SLC22A23: variants seen among roughly 807,000 people sequenced by gnomAD.
The protein encoded by SLC22A23 is ion transporter protein.
SLC22A23 carries 26 observed loss-of-function variants against 61.0 expected under a neutral mutation model. That is an observed-to-expected ratio of 0.43 (90% CI 0.31 to 0.59). SLC22A23 has a LOEUF of 0.59. Among genes scored for constraint, SLC22A23 ranks in the 20% least tolerant of loss-of-function variants. The pLI is 0.11. For missense variants in SLC22A23, 796 were observed against 934.7 expected (o/e 0.85, Z 1.94); for synonymous variants, 430 against 413.9 (o/e 1.04, Z -0.47).
intron 3 of SLC22A23, among the ~76,000 whole-genome samples, chr6:3,378,669 T>C (rs1312814567): frequency 7.0e-6 from 1 of 143,032 alleles, no homozygotes; most frequent in Non-Finnish European, 1.5e-5. Context: ...TTTTTTTTTT[T>C]TTTTTGAGAT....
chr6:3,396,474 G>A (rs1407225767), intron 3 of SLC22A23, among the ~76,000 whole-genome samples: 6 of 152,236 alleles, frequency 3.9e-5, no homozygotes, highest in East Asian at 1.9e-4. Flanking sequence ...ACTTGAACCC[G>A]GGAGGCAGAG....
intron 3 of SLC22A23, among the ~76,000 whole-genome samples, chr6:3,336,088 CAA>C (rs774382213): frequency 4.3e-5 from 6 of 138,612 alleles, no homozygotes; most frequent in Non-Finnish European, 6.3e-5. Context: ...GACTCCATCT[CAA>C]AAAAAAAAAA....
intron 3 of SLC22A23, among the ~76,000 whole-genome samples, chr6:3,357,749 G>A (rs1765202075): frequency 6.6e-6 from 1 of 152,308 alleles, no homozygotes; most frequent in Middle Eastern, 3.4e-3. Context: ...AGGAGGATGA[G>A]GTAGCACCAT....
chr6:3,336,391 C>T (rs1763862406), intron 3 of SLC22A23, among the ~76,000 whole-genome samples: 1 of 152,240 alleles, frequency 6.6e-6, no homozygotes, highest in African/African-American at 2.4e-5. Context: ...ATCCTGCTGG[C>T]AGGTTACTGC....
At position 3,304,156 on chromosome 6, in the gene SLC22A23, T is replaced by A. The variant is rs1235821408; in HGVS notation, c.1083-5938A>T. 6.6e-6 allele frequency among the ~76,000 whole-genome samples: 1 copy of A among 152,162 alleles called. No homozygotes were observed. The stretch of plus-strand genomic sequence containing the variant: ...AGAAAAGTCTCTCCTTGTCCCAGAC[T>A]TCAAAGCCACAGGCACAGACCAGAG... On this transcript the variant is annotated intron_variant, in intron 4 of 9. Coordinates refer to ENST00000406686, the MANE Select transcript of SLC22A23 (RefSeq NM_015482.2). The surrounding 1 kb of genome is among the most constrained non-coding windows in gnomAD (Gnocchi z 4.3).
chr6:3,439,293 A>T lies in SLC22A23; in HGVS notation c.654+16613T>A, dbSNP rs1295482997. 3 of 449,082 alleles carry T rather than the reference A, an allele frequency of 6.7e-6. No individual in the cohort carries two copies. The Admixed American group carries it at 7.4e-5, about 11-fold the overall frequency. 27.8% of individuals were successfully genotyped at this position (449,082 alleles called of 1,614,324 possible). On this transcript the variant is annotated intron_variant, in intron 1 of 9. Transcript: ENST00000406686. ...CCGAATGTTCTCTGGGAGCAAAATC[A>T]TACCCCGTGGAAAGTGTCCAGAGAA... is the stretch of plus-strand genomic sequence containing the variant.
chr6:3,446,522 G>A (rs1016117184), intron 1 of SLC22A23, among the ~76,000 whole-genome samples: 3 of 152,162 alleles, frequency 2.0e-5, no homozygotes, highest in African/African-American at 7.2e-5. Flanking sequence ...TGAGTAGGAG[G>A]GCCAGAGAAA....
At chr6:3,323,611 A>T in intron 4 of SLC22A23, 1 of 611,110 alleles carries the variant, frequency 1.6e-6, no homozygotes, top group East Asian at 2.9e-5. Context: ...GAGCTGGGTG[A>T]TGGGCTCATT....
At chr6:3,311,692 T>C (rs1427547667) in intron 4 of SLC22A23, 1 of 152,228 alleles carries the variant, frequency 6.6e-6, no homozygotes, top group East Asian at 1.9e-4. Flanking sequence ...TGAAAATCTC[T>C]TGGGAGAAAA....
intron 4 of SLC22A23, among the ~76,000 whole-genome samples, chr6:3,320,705 A>T (rs774407191): frequency 5.3e-5 from 8 of 152,212 alleles, no homozygotes; most frequent in Non-Finnish European, 1.0e-4. Flanking sequence ...TTTTAAAGCC[A>T]ATAATTCTAG....
chr6:3,273,577 G>C (rs1758629996), intron 9 of SLC22A23, among the ~76,000 whole-genome samples, 165 bp from the exon 10 acceptor site: 1 of 152,246 alleles, frequency 6.6e-6, no homozygotes, highest in Non-Finnish European at 1.5e-5. Context: ...CACCCTGGCT[G>C]TGTCTGTACA....
intron 9 of SLC22A23, among the ~76,000 whole-genome samples, 181 bp from the exon 10 acceptor site, chr6:3,273,593 A>G (rs757282657): frequency 5.9e-5 from 9 of 152,092 alleles, no homozygotes; most frequent in Non-Finnish European, 1.3e-4. Flanking sequence ...GTACAAGGCC[A>G]CTCTACGGCA....
intron 3 of SLC22A23, among the ~76,000 whole-genome samples, chr6:3,346,321 C>T (rs946929223): frequency 3.3e-5 from 5 of 152,154 alleles, no homozygotes; most frequent in South Asian, 4.1e-4. Context: ...TGCCCCTCTC[C>T]GCACAAAAGC....
chr6:3,376,220 T>C (rs1249896209), intron 3 of SLC22A23, among the ~76,000 whole-genome samples: 1 of 152,222 alleles, frequency 6.6e-6, no homozygotes, highest in African/African-American at 2.4e-5. Context: ...GACTGAAGAC[T>C]GGACACCCAG....
At chr6:3,448,708 A>C (rs572088863) in intron 1 of SLC22A23, among the ~76,000 whole-genome samples, 1 of 152,092 alleles carries the variant, frequency 6.6e-6, no homozygotes, top group African/African-American at 2.4e-5. Context: ...GTTGGCCAGG[A>C]TGGTCTTGAA....
chr6:3,426,110 G>A (rs1339572386), intron 1 of SLC22A23, among the ~76,000 whole-genome samples: 1 of 152,130 alleles, frequency 6.6e-6, no homozygotes, highest in Non-Finnish European at 1.5e-5. Flanking sequence ...GATACATGAT[G>A]GCTGTTTAAG....
chr6:3,432,479 A>T, intron 1 of SLC22A23: 1 of 783,832 alleles, frequency 1.3e-6, no homozygotes, highest in African/African-American at 1.9e-5. Flanking sequence ...GAGGACTTCC[A>T]GGAACGCGTC....
intron 4 of SLC22A23, among the ~76,000 whole-genome samples, chr6:3,300,990 T>TC (rs1159534829): frequency 1.8e-4 from 1 of 5,702 alleles, no homozygotes; most frequent in Non-Finnish European, 4.7e-4. Flanking sequence ...CAGGCACTGA[T>TC]TTTTTTTAAA....
intron 3 of SLC22A23, among the ~76,000 whole-genome samples, chr6:3,379,797 A>T (rs1193994234): frequency 6.8e-6 from 1 of 147,318 alleles, no homozygotes; most frequent in African/African-American, 2.7e-5. Flanking sequence ...AGATTGCCTG[A>T]TGACTACTCA....
Sources: gnomAD v4.1 joint callset for allele counts (sites outside exome capture counted in the v4.1 genomes callset) on GRCh38, gnomAD v4.1.1 for gene constraint, Gnocchi (gnomAD v3.1) non-coding constraint, MANE v1.5 for transcripts, NCBI Gene and HGNC (gene_info 2026-07-23, HGNC 2026-07-21) for gene names.